The following SDK1 variants were observed in gnomAD, a reference collection of about 807,000 sequenced individuals.
SDK1 encodes the protein protein sidekick-1.
SDK1 carries 157 observed loss-of-function variants against 245.5 expected under a neutral mutation model. The observed-to-expected ratio is 0.64, with a 90% CI of 0.56 to 0.73. The LOEUF (loss-of-function observed/expected upper bound fraction) is 0.73. SDK1 is among the 30% of genes least tolerant of loss of function. The pLI is 0.00. For synonymous variants in SDK1, 1,647 were observed against 1,278.5 expected (o/e 1.29, Z -6.15); for missense variants, 3,583 against 3,002.3 (o/e 1.19, Z -4.52).
At chr7:3,825,365 A>T (rs1174970765) in intron 5 of SDK1, among the ~76,000 whole-genome samples, 1 of 151,260 alleles carries the variant, frequency 6.6e-6, no homozygotes, top group Non-Finnish European at 1.5e-5. Context: ...GACGAATTCT[A>T]TACAGTGGTT....
chr7:3,901,399 G>C (rs768185942), intron 5 of SDK1, among the ~76,000 whole-genome samples: 6 of 152,070 alleles, frequency 3.9e-5, no homozygotes, highest in Non-Finnish European at 7.4e-5. Flanking sequence ...TGCTAGCCAG[G>C]ATGGTCTCGA....
At chr7:4,176,759 T>G (rs1405563534) in intron 34 of SDK1, among the ~76,000 whole-genome samples, 2 of 152,236 alleles carry the variant, frequency 1.3e-5, no homozygotes, top group African/African-American at 4.8e-5. Flanking sequence ...TGTGGCTGGC[T>G]TGTTTCATGA....
chr7:3,356,085 C>T (rs1161029334), intron 1 of SDK1, among the ~76,000 whole-genome samples: 2 of 152,180 alleles, frequency 1.3e-5, no homozygotes, highest in Non-Finnish European at 2.9e-5. Flanking sequence ...AGCCTTGTAG[C>T]TTATGAATTC....
At chr7:3,785,910 AT>A (rs1780886308) in intron 4 of SDK1, among the ~76,000 whole-genome samples, 1 of 152,226 alleles carries the variant, frequency 6.6e-6, no homozygotes, top group Non-Finnish European at 1.5e-5. Flanking sequence ...TGAGAGAAAT[AT>A]TCCTTGAGGA....
At chr7:3,939,888 A>G (rs976910209) in intron 5 of SDK1, among the ~76,000 whole-genome samples, 3 of 152,208 alleles carry the variant, frequency 2.0e-5, no homozygotes, top group African/African-American at 7.2e-5. Flanking sequence ...GTAGTCCCAA[A>G]GGCAATTAAT....
chr7:4,121,354 G>C (rs1784054219), intron 25 of SDK1, among the ~76,000 whole-genome samples: 1 of 152,160 alleles, frequency 6.6e-6, no homozygotes, highest in Non-Finnish European at 1.5e-5. Flanking sequence ...GGGACCTGGT[G>C]GGAGGTGATT....
chr7:3,492,539 A>G (rs1781896472), intron 1 of SDK1, among the ~76,000 whole-genome samples: 1 of 152,242 alleles, frequency 6.6e-6, no homozygotes, highest in South Asian at 2.1e-4. Context: ...GACGGATGTC[A>G]GTGAAATTGG....
chr7:3,519,253 G>C (rs1389240022), intron 1 of SDK1, among the ~76,000 whole-genome samples: 1 of 152,112 alleles, frequency 6.6e-6, no homozygotes. Flanking sequence ...CATTAACAAT[G>C]ATTATGGTTT....
chr7:3,526,253 C>A (rs919495803), intron 1 of SDK1, among the ~76,000 whole-genome samples: 12 of 151,676 alleles, frequency 7.9e-5, no homozygotes, highest in Non-Finnish European at 1.3e-4. Flanking sequence ...AAAAAAAAAT[C>A]ACACTGTGAC....
intron 5 of SDK1, among the ~76,000 whole-genome samples, chr7:3,908,194 G>A (rs1427049280): frequency 6.6e-6 from 1 of 152,174 alleles, no homozygotes; most frequent in East Asian, 1.9e-4. Context: ...AATGGGCCGT[G>A]CGCATAACCC....
At chr7:3,874,476 A>C (rs1237582415) in intron 5 of SDK1, among the ~76,000 whole-genome samples, 1 of 152,078 alleles carries the variant, frequency 6.6e-6, no homozygotes, top group Non-Finnish European at 1.5e-5. Context: ...AGGCTTAGGC[A>C]GGTGCCTGTG....
At chr7:4,195,168 A>G (rs968587229) in intron 35 of SDK1, among the ~76,000 whole-genome samples, 6 of 152,262 alleles carry the variant, frequency 3.9e-5, no homozygotes, top group African/African-American at 1.4e-4. Context: ...CAGGCTAATT[A>G]GCATCTGCAT....
At chr7:4,148,480 C>T (rs1780139368) in intron 29 of SDK1, among the ~76,000 whole-genome samples, 1 of 152,224 alleles carries the variant, frequency 6.6e-6, no homozygotes. Flanking sequence ...GCAGTGACAG[C>T]CCAGAGGTGC....
rs147582759 is a variant in SDK1 at position 3,567,274 on chromosome 7, C to T, written c.299-51806C>T. ...CAGGTATTTATCCTCCATTCCTCAG[C>T]GGCTTCGTGGGTTGTTGTGAGAATG... On this transcript the variant is annotated intron_variant, in intron 1 of 44. Transcript: ENST00000404826. Among the ~76,000 whole-genome samples, 358 of 152,264 alleles carry T rather than the reference C, an allele frequency of 2.4e-3. 5 individuals carry two copies. Among genetic ancestry groups the T allele is most frequent in the African/African-American group, 8.1e-3 (336 of 41,542 alleles).
intron 1 of SDK1, among the ~76,000 whole-genome samples, chr7:3,447,527 C>A (rs996479055): frequency 6.6e-5 from 10 of 151,998 alleles, no homozygotes; most frequent in African/African-American, 2.4e-4. Flanking sequence ...TCTTCTAGGA[C>A]AGTATGTATA....
intron 1 of SDK1, among the ~76,000 whole-genome samples, chr7:3,517,420 G>A (rs1336072682): frequency 6.6e-6 from 1 of 152,116 alleles, no homozygotes; most frequent in East Asian, 1.9e-4. Context: ...TAGAGAGAGA[G>A]ATGCATCATG....
intron 4 of SDK1, among the ~76,000 whole-genome samples, chr7:3,721,960 C>G (rs1778822755): frequency 1.3e-5 from 2 of 152,042 alleles, no homozygotes. Flanking sequence ...TCCTTTCTGA[C>G]AAAGTCTGTC....
At chr7:4,139,366 T>C (rs1055875314) in intron 28 of SDK1, among the ~76,000 whole-genome samples, 1 of 152,220 alleles carries the variant, frequency 6.6e-6, no homozygotes, top group Non-Finnish European at 1.5e-5. Context: ...TAAACAACTA[T>C]ATATGTGTGT....
chr7:3,678,934 GAAC>G (rs989121142), intron 4 of SDK1, among the ~76,000 whole-genome samples: 4 of 152,000 alleles, frequency 2.6e-5, no homozygotes, highest in Non-Finnish European at 4.4e-5. Context: ...AAACTTAAAT[GAAC>G]AACAACAACA....
Sources: gnomAD v4.1 joint callset for allele counts (sites outside exome capture counted in the v4.1 genomes callset) on GRCh38, gnomAD v4.1.1 for gene constraint, MANE v1.5 for transcripts, NCBI Gene and HGNC (gene_info 2026-07-23, HGNC 2026-07-21) for gene names.